The following MMP16 variants were observed in gnomAD, a reference collection of about 807,000 sequenced individuals.
MMP16 encodes matrix metallopeptidase 16.
In MMP16, 12 loss-of-function variants were observed where a neutral mutation model predicts 67.8. The observed-to-expected ratio is 0.18, with a 90% CI of 0.11 to 0.29. The LOEUF is 0.29. Ranked by LOEUF, MMP16 falls within the 10% of genes least tolerant of loss-of-function variation. The pLI, the probability that MMP16 is intolerant of heterozygous loss-of-function variation, is 1.00. For synonymous variants in MMP16, 249 were observed against 255.9 expected (o/e 0.97, Z 0.26); for missense variants, 475 against 765.7 (o/e 0.62, Z 4.48).
chr8:88,185,998 G>T (rs1176652423), intron 3 of MMP16, among the ~76,000 whole-genome samples: 1 of 152,094 alleles, frequency 6.6e-6, no homozygotes, highest in African/African-American at 2.4e-5. Flanking sequence ...AATAACAATT[G>T]TCACTCTAGG....
intron 1 of MMP16, among the ~76,000 whole-genome samples, chr8:88,208,586 C>A (rs1399380876): frequency 6.6e-6 from 1 of 152,084 alleles, no homozygotes; most frequent in East Asian, 1.9e-4. Context: ...ACACATGGTA[C>A]TCTATGGAAA....
At chr8:88,115,091 C>T (rs762591921) in intron 6 of MMP16, among the ~76,000 whole-genome samples, 3 of 151,924 alleles carry the variant, frequency 2.0e-5, no homozygotes, top group African/African-American at 7.2e-5. Context: ...ATAATGTACC[C>T]AGAGTCAATT....
At chr8:88,215,126 G>T (rs760714988) in intron 1 of MMP16, among the ~76,000 whole-genome samples, 13 of 152,074 alleles carry the variant, frequency 8.5e-5, no homozygotes, top group Non-Finnish European at 1.6e-4. Flanking sequence ...GGGTTCAAGA[G>T]CAGCCTGACC....
chr8:88,079,553 A>G (rs569826414), intron 6 of MMP16, among the ~76,000 whole-genome samples: 15 of 152,250 alleles, frequency 9.9e-5, no homozygotes, highest in Admixed American at 5.2e-4. Flanking sequence ...TTTTCCATCA[A>G]TTTGAATCAC....
chr8:88,265,576 G>A (rs1001964676), intron 1 of MMP16, among the ~76,000 whole-genome samples: 3 of 152,016 alleles, frequency 2.0e-5, no homozygotes, highest in Non-Finnish European at 2.9e-5. Flanking sequence ...GTTAGAGAAC[G>A]GTCTGCAGTA....
At chr8:88,234,630 T>C (rs1001178312) in intron 1 of MMP16, among the ~76,000 whole-genome samples, 1 of 152,336 alleles carries the variant, frequency 6.6e-6, no homozygotes, top group East Asian at 1.9e-4. Context: ...TTAGGACAAA[T>C]AGAGCAAACT....
chr8:88,142,917 G>A (rs1808235634), intron 4 of MMP16, among the ~76,000 whole-genome samples: 1 of 152,126 alleles, frequency 6.6e-6, no homozygotes. Flanking sequence ...TATCAGCATT[G>A]AGAAAAATAG....
rs1808134608 is a variant in MMP16 at position 88,041,670 on chromosome 8, C to T, written c.1615G>A (p.Val539Ile). 6.2e-7 allele frequency: 1 copy of T among 1,614,046 alleles called. No individual in the cohort carries two copies. The highest frequency in any genetic ancestry group is 8.5e-7 in the Non-Finnish European group (1 of 1,179,980). Residue 539 changes from valine to isoleucine, a missense_variant, in exon 10 of 10, where the codon GTT (valine) becomes ATT (isoleucine). Coordinates refer to ENST00000286614, the MANE Select transcript of MMP16 (RefSeq NM_005941.5). The surrounding 1 kb of genome is among the most constrained non-coding windows in gnomAD (Gnocchi z 6.0). ...FMGCDGPTDR[V>I]KEGHSPPDDV... ...TCTGGTGGGCTGTGTCCTTCTTTAACTCTGTCTGTTGGTCCATCACAGCCC... is the reference window on the plus strand; with the variant it reads ...TCTGGTGGGCTGTGTCCTTCTTTAATTCTGTCTGTTGGTCCATCACAGCCC...
intron 7 of MMP16, among the ~76,000 whole-genome samples, chr8:88,060,167 G>A (rs973006374): frequency 1.3e-5 from 2 of 151,946 alleles, no homozygotes; most frequent in Non-Finnish European, 1.5e-5. Context: ...ACTGTTCAAC[G>A]TAAAATTGTG....
chr8:88,095,589 T>C (rs1258908057), intron 6 of MMP16, among the ~76,000 whole-genome samples: 1 of 151,898 alleles, frequency 6.6e-6, no homozygotes, highest in Non-Finnish European at 1.5e-5. Context: ...ATTTGAAAGA[T>C]GAACAATACC....
At chr8:88,247,916 T>G (rs2129916504) in intron 1 of MMP16, among the ~76,000 whole-genome samples, 1 of 152,132 alleles carries the variant, frequency 6.6e-6, no homozygotes, top group African/African-American at 2.4e-5. Flanking sequence ...TGTCAAACGT[T>G]GTTGCACATT....
intron 4 of MMP16, among the ~76,000 whole-genome samples, chr8:88,133,124 G>A (rs1030429073): frequency 2.0e-5 from 3 of 151,488 alleles, no homozygotes; most frequent in African/African-American, 7.3e-5. Flanking sequence ...AAACTGTAAT[G>A]ATTTTTATTC....
chr8:88,166,710 T>C (rs1410568275), intron 4 of MMP16, among the ~76,000 whole-genome samples: 1 of 137,540 alleles, frequency 7.3e-6, no homozygotes, highest in Admixed American at 7.3e-5. Flanking sequence ...TATATATATA[T>C]ATATATATAT....
chr8:88,183,046 G>T (rs1314360592), intron 3 of MMP16, among the ~76,000 whole-genome samples: 1 of 151,996 alleles, frequency 6.6e-6, no homozygotes, highest in Admixed American at 6.6e-5. Flanking sequence ...GTGCTGGCCA[G>T]GGCTTTTGGA....
At chr8:88,247,619 G>T (rs990010861) in intron 1 of MMP16, among the ~76,000 whole-genome samples, 3 of 152,044 alleles carry the variant, frequency 2.0e-5, no homozygotes, top group Non-Finnish European at 4.4e-5. Flanking sequence ...AGGAAAATAT[G>T]CACAAAAGAG....
chr8:88,046,910 A>G, intron 8 of MMP16, 126 bp from the exon 9 acceptor site: 1 of 515,168 alleles, frequency 1.9e-6, no homozygotes, highest in South Asian at 3.2e-5. Flanking sequence ...TTACCTGTGC[A>G]CCTGTTAATG....
chr8:88,232,832 G>C (rs1012971330), intron 1 of MMP16, among the ~76,000 whole-genome samples: 1 of 152,112 alleles, frequency 6.6e-6, no homozygotes, highest in African/African-American at 2.4e-5. Flanking sequence ...AAGCAGTGTG[G>C]AATAGGCTCA....
Position 88,069,105 on chromosome 8 carries a change from C to T in MMP16, c.1222+5500G>A, listed in dbSNP as rs545384329. The T allele has an allele frequency of 2.1e-5, 4 of 192,516 alleles. No individual in the cohort carries two copies. In the East Asian group the frequency reaches 7.3e-4, roughly 35 times the overall value. 11.9% of individuals were successfully genotyped at this position (192,516 alleles called of 1,614,324 possible). A position where few individuals can be genotyped will look rare whatever the true frequency, so the allele number is the denominator to read the frequency against. On this transcript the variant is annotated intron_variant, in intron 7 of 9. Coordinates refer to ENST00000286614, the MANE Select transcript of MMP16 (RefSeq NM_005941.5). ...TTGACCATTACTACAAAAGTGCCTG[C>T]AAGTATTTCGATCGGGATTGCACTG...
chr8:88,119,735 C>T (rs971103759), intron 4 of MMP16, among the ~76,000 whole-genome samples: 9 of 151,952 alleles, frequency 5.9e-5, no homozygotes, highest in Non-Finnish European at 1.3e-4. Flanking sequence ...ATTTTTAATG[C>T]TAAAAATTTA....
Sources: gnomAD v4.1 joint callset for allele counts (sites outside exome capture counted in the v4.1 genomes callset) on GRCh38, gnomAD v4.1.1 for gene constraint, Gnocchi (gnomAD v3.1) non-coding constraint, MANE v1.5 for transcripts, NCBI Gene and HGNC (gene_info 2026-07-23, HGNC 2026-07-21) for gene names.